The following MDGA2 variants were observed in gnomAD, a reference collection of about 807,000 sequenced individuals.
MDGA2 encodes the protein MAM domain containing glycosylphosphatidylinositol anchor 2, also known as MAM domain-containing glycosylphosphatidylinositol anchor protein 2.
MDGA2 carries 40 observed loss-of-function variants against 117.8 expected under a neutral mutation model. That is an observed-to-expected ratio of 0.34 (90% CI 0.26 to 0.44). The LOEUF (loss-of-function observed/expected upper bound fraction) is 0.44. MDGA2 is among the 20% of genes least tolerant of loss of function. MDGA2 has a pLI of 1.00. For missense variants in MDGA2, 1,123 were observed against 1,250.6 expected (o/e 0.90, Z 1.54); for synonymous variants, 452 against 439.0 (o/e 1.03, Z -0.37).
chr14:47,094,445 T>C (rs1002346167), intron 6 of MDGA2, among the ~76,000 whole-genome samples: 1 of 152,088 alleles, frequency 6.6e-6, no homozygotes, highest in African/African-American at 2.4e-5. Context: ...TGTTGTTCAC[T>C]GGGTTAGTCC....
chr14:47,525,148 G>C (rs1392070723), intron 1 of MDGA2, among the ~76,000 whole-genome samples: 2 of 152,216 alleles, frequency 1.3e-5, no homozygotes, highest in East Asian at 3.9e-4. Flanking sequence ...CTGTCCTCTG[G>C]ATAACACAGA....
chr14:47,010,542 A>G (rs987063741), intron 8 of MDGA2, among the ~76,000 whole-genome samples: 2 of 151,928 alleles, frequency 1.3e-5, no homozygotes, highest in African/African-American at 2.4e-5. Context: ...ATTCATAACT[A>G]TATCTTTATT....
intron 1 of MDGA2, among the ~76,000 whole-genome samples, chr14:47,576,453 G>A (rs1442104383): frequency 6.6e-6 from 1 of 152,072 alleles, no homozygotes; most frequent in Non-Finnish European, 1.5e-5. Flanking sequence ...AGGTATGCAT[G>A]ATGGTGCAAA....
At chr14:47,182,423 T>C (rs1884745327) in intron 3 of MDGA2, among the ~76,000 whole-genome samples, 1 of 152,022 alleles carries the variant, frequency 6.6e-6, no homozygotes, top group Non-Finnish European at 1.5e-5. Context: ...CTTAATCCAA[T>C]AGGACTGGGA....
At chr14:47,108,455 AAAG>A (rs1379484961) in intron 5 of MDGA2, among the ~76,000 whole-genome samples, 4 of 152,108 alleles carry the variant, frequency 2.6e-5, no homozygotes, top group Admixed American at 6.5e-5. Flanking sequence ...TTCCACCACA[AAAG>A]AAGTGTAAAT....
At chr14:47,402,538 T>C (rs1378877158) in intron 1 of MDGA2, among the ~76,000 whole-genome samples, 2 of 152,152 alleles carry the variant, frequency 1.3e-5, no homozygotes, top group African/African-American at 4.8e-5. Context: ...ATTTCTAGCC[T>C]ACAAAGCATG....
chr14:46,861,011 T>C (rs778615932), intron 14 of MDGA2, among the ~76,000 whole-genome samples: 7 of 151,888 alleles, frequency 4.6e-5, no homozygotes, highest in African/African-American at 7.2e-5. Flanking sequence ...TTCCTCTTTA[T>C]TCATTCTTGA....
chr14:47,664,634 C>T (rs1210404849), intron 1 of MDGA2, among the ~76,000 whole-genome samples: 1 of 152,222 alleles, frequency 6.6e-6, no homozygotes, highest in Non-Finnish European at 1.5e-5. Flanking sequence ...TTTTCAACTA[C>T]ATCATGCTGT....
chr14:47,381,617 A>G (rs540794483), intron 1 of MDGA2, among the ~76,000 whole-genome samples: 1 of 152,260 alleles, frequency 6.6e-6, no homozygotes, highest in East Asian at 1.9e-4. Context: ...CACAATTGCT[A>G]CAAAGTGAAC....
At chr14:47,363,797 G>A (rs1321490163) in intron 1 of MDGA2, among the ~76,000 whole-genome samples, 1 of 151,958 alleles carries the variant, frequency 6.6e-6, no homozygotes, top group Non-Finnish European at 1.5e-5. Context: ...AGAGAAATGA[G>A]GAGAGAGAAA....
intron 12 of MDGA2, 71 bp downstream of exon 12, chr14:46,877,418 G>T: frequency 1.2e-6 from 1 of 854,680 alleles, no homozygotes; most frequent in Non-Finnish European, 1.7e-6. Flanking sequence ...AACAATTTTT[G>T]TATATTTATA....
chr14:47,060,832 CTTAAA>C (rs1889856273), intron 7 of MDGA2, among the ~76,000 whole-genome samples: 1 of 151,944 alleles, frequency 6.6e-6, no homozygotes, highest in Admixed American at 6.6e-5. Flanking sequence ...TTTGAACACT[CTTAAA>C]TTATCTCTCA....
intron 1 of MDGA2, among the ~76,000 whole-genome samples, chr14:47,454,083 C>T (rs1366942298): frequency 1.3e-5 from 2 of 152,144 alleles, no homozygotes; most frequent in African/African-American, 2.4e-5. Context: ...TATGTACTCC[C>T]TCTGCTACTA....
intron 3 of MDGA2, among the ~76,000 whole-genome samples, chr14:47,147,508 A>C (rs542974652): frequency 6.6e-6 from 1 of 151,974 alleles, no homozygotes; most frequent in South Asian, 2.1e-4. Context: ...TACACCGACC[A>C]CCTCCCCTAT....
At chr14:47,542,194 G>A (rs1465992032) in intron 1 of MDGA2, among the ~76,000 whole-genome samples, 1 of 152,186 alleles carries the variant, frequency 6.6e-6, no homozygotes, top group Admixed American at 6.5e-5. Flanking sequence ...AATGGATGAT[G>A]TAGCCTTAAA....
At chr14:47,466,305 C>G (rs1250292090) in intron 1 of MDGA2, among the ~76,000 whole-genome samples, 1 of 151,716 alleles carries the variant, frequency 6.6e-6, no homozygotes, top group Non-Finnish European at 1.5e-5. Context: ...TTTGCAGGAC[C>G]CCCACACGGA....
chr14:47,447,647 C>A (rs1566461619), intron 1 of MDGA2, among the ~76,000 whole-genome samples: 1 of 152,122 alleles, frequency 6.6e-6, no homozygotes, highest in East Asian at 1.9e-4. Flanking sequence ...GCAGTCCTAG[C>A]AAAATTCTCG....
At chr14:47,431,779 A>G (rs553817616) in intron 1 of MDGA2, among the ~76,000 whole-genome samples, 31 of 152,162 alleles carry the variant, frequency 2.0e-4, no homozygotes, top group Non-Finnish European at 3.2e-4. Flanking sequence ...GTAACTAAAA[A>G]CATTGAGATT....
chr14:46,924,346 T>C (rs1170797828), intron 9 of MDGA2, among the ~76,000 whole-genome samples: 1 of 152,046 alleles, frequency 6.6e-6, no homozygotes, highest in Non-Finnish European at 1.5e-5. Flanking sequence ...TTATTCCCAC[T>C]ATGAACACTT....
Sources: gnomAD v4.1 joint callset for allele counts (sites outside exome capture counted in the v4.1 genomes callset) on GRCh38, gnomAD v4.1.1 for gene constraint, MANE v1.5 for transcripts, NCBI Gene and HGNC (gene_info 2026-07-23, HGNC 2026-07-21) for gene names.